Variants in MGST2 observed in about 807,000 individuals in gnomAD.
MGST2 encodes the protein microsomal glutathione S-transferase 2.
A neutral mutation model predicts 16.6 loss-of-function variants in MGST2; 9 were observed. The ratio of observed to expected loss-of-function variants is 0.54; its 90% CI spans 0.33 to 0.95. The LOEUF is 0.95. Ranked by LOEUF, MGST2 falls within the 40% of genes least tolerant of loss-of-function variation. The pLI is 0.03. For missense variants in MGST2, 159 were observed against 175.1 expected, an observed-to-expected ratio of 0.91 and a Z score of 0.52; for synonymous variants, 79 against 68.0, an observed-to-expected ratio of 1.16 and a Z score of -0.79.
the MGST2 span, among the ~76,000 whole-genome samples, chr4:139,753,347 T>C: frequency 6.7e-6 from 1 of 149,632 alleles, no homozygotes; most frequent in Admixed American, 6.7e-5. Flanking sequence ...TTTTAATCTA[T>C]CTATCTATCT....
At chr4:139,703,430 CTT>C in intron 3 of MGST2, 23 bp from the exon 4 acceptor site, 1 of 1,577,858 alleles carries the variant, frequency 6.3e-7, no homozygotes, top group Non-Finnish European at 8.7e-7. Flanking sequence ...TGTGCCTTTT[CTT>C]TTTTTTTCCC....
At chr4:139,710,737 G>A (rs1242485997) in intron 5 of MGST2, among the ~76,000 whole-genome samples, 3 of 152,086 alleles carry the variant, frequency 2.0e-5, no homozygotes, top group South Asian at 2.1e-4. Flanking sequence ...TTTGGTTTGT[G>A]TATATTAAAA....
intron 1 of MGST2, among the ~76,000 whole-genome samples, chr4:139,674,177 G>GGAGACA (rs1730846142): frequency 6.6e-6 from 1 of 152,192 alleles, no homozygotes; most frequent in African/African-American, 2.4e-5. Context: ...TGTGCCCAAG[G>GGAGACA]TGGTCAGGGC....
intron 5 of MGST2, among the ~76,000 whole-genome samples, chr4:139,720,580 ATTCTT>A (rs1177713338): frequency 1.3e-5 from 2 of 152,260 alleles, no homozygotes; most frequent in African/African-American, 4.8e-5. Flanking sequence ...GATCATTCCT[ATTCTT>A]TTATTTGTAT....
At chr4:139,731,300 A>G (rs1728698828) in intron 5 of MGST2, 1 of 153,582 alleles carries the variant, frequency 6.5e-6, no homozygotes, top group South Asian at 2.0e-4. Flanking sequence ...TAATATTTTT[A>G]AAAATAGAAT....
intron 2 of MGST2, among the ~76,000 whole-genome samples, chr4:139,691,815 T>C (rs8192092): frequency 0.021 from 3,212 of 152,078 alleles, 85 homozygotes; most frequent in African/African-American, 0.057. Flanking sequence ...TCTCCTGCCT[T>C]AGTCTCCCGA....
At chr4:139,719,430 A>G (rs1728133751) in intron 5 of MGST2, 1 of 1,613,996 alleles carries the variant, frequency 6.2e-7, no homozygotes, top group Admixed American at 1.7e-5. Context: ...CCAGGGAAGG[A>G]ACCCCCAGCT....
intron 5 of MGST2, among the ~76,000 whole-genome samples, chr4:139,723,539 C>T (rs1026534982): frequency 6.6e-5 from 10 of 152,044 alleles, no homozygotes; most frequent in African/African-American, 1.9e-4. Flanking sequence ...CTCGAACTCC[C>T]GACCTCAGGT....
chr4:139,680,730 T>A (rs1002081495), intron 2 of MGST2, among the ~76,000 whole-genome samples: 1 of 152,216 alleles, frequency 6.6e-6, no homozygotes, highest in Non-Finnish European at 1.5e-5. Flanking sequence ...TGCCTCACAG[T>A]TAAGGGATGG....
At chr4:139,691,666 AGATGATGATGATGATGAT>A (rs376635466) in intron 2 of MGST2, among the ~76,000 whole-genome samples, 9 of 144,018 alleles carry the variant, frequency 6.2e-5, no homozygotes, top group African/African-American at 2.4e-4. Flanking sequence ...ACTGGCAGTC[AGATGATGATGATGATGAT>A]GATGATGATG....
chr4:139,702,629 C>A (rs1579331740), intron 3 of MGST2, among the ~76,000 whole-genome samples: 1 of 152,134 alleles, frequency 6.6e-6, no homozygotes, highest in African/African-American at 2.4e-5. Context: ...AATAAATCTG[C>A]AATGAACATT....
rs111771822 is a variant in MGST2, at chr4:139,671,885, A to G, written c.58+5808A>G. ...TTGATCACCTGACCTCAAGTGATCC[A>G]CCCGCCTCAACCTCCCAAAGTGCTG... On this transcript the variant is annotated intron_variant, in intron 1 of 4. Coordinates refer to ENST00000265498, the MANE Select transcript of MGST2 (RefSeq NM_002413.5). 9.9e-4 allele frequency among the ~76,000 whole-genome samples: 150 copies of G among 151,814 alleles called. 1 individual carries two copies. The highest frequency in any genetic ancestry group is 3.6e-3 in the African/African-American group (147 of 41,384).
In MGST2 at chr4:139,678,503, CGTGCCCCATCT is replaced by C. The variant is rs987753824; in HGVS notation, c.59-39_59-29del. The C allele has an allele frequency of 2.8e-6, 4 of 1,454,096 alleles. No individual in the cohort carries two copies. The African/African-American group carries it at 5.6e-5, about 20-fold the overall frequency. The allele number at this position is 1,454,096 out of a possible 1,614,324, so 90.1% of individuals were successfully genotyped here. A position where few individuals can be genotyped will look rare whatever the true frequency, so the allele number is the denominator to read the frequency against. On this transcript the variant is annotated intron_variant, in intron 1 of 4. Transcript: ENST00000265498. Reference sequence around the variant, plus strand: ...TTTGCATTCCACTAATGACTAATGACGTGCCCCATCTTTAACGCAACATTTCCCTTTACTTG... The same window carrying C: ...TTTGCATTCCACTAATGACTAATGACTTAACGCAACATTTCCCTTTACTTG...
At chr4:139,722,795 T>C (rs376512716) in intron 5 of MGST2, among the ~76,000 whole-genome samples, 4 of 152,370 alleles carry the variant, frequency 2.6e-5, no homozygotes, top group African/African-American at 9.6e-5. Flanking sequence ...AAAACTTCTC[T>C]CCAAGAATGA....
chr4:139,734,422 CT>C (rs769146172), intron 5 of MGST2, among the ~76,000 whole-genome samples: 9 of 152,342 alleles, frequency 5.9e-5, no homozygotes, highest in Non-Finnish European at 1.0e-4. Flanking sequence ...TCCCTTGCTT[CT>C]CCCAAGAATC....
At chr4:139,737,131 A>AC (rs898599253) in intron 5 of MGST2, among the ~76,000 whole-genome samples, 17 of 152,168 alleles carry the variant, frequency 1.1e-4, no homozygotes, top group African/African-American at 3.6e-4. Flanking sequence ...GGAGCATCAG[A>AC]CATCCCTAGA....
intron 5 of MGST2, among the ~76,000 whole-genome samples, chr4:139,734,957 GTTCTTC>G (rs1728875502): frequency 6.6e-6 from 1 of 152,244 alleles, no homozygotes; most frequent in Non-Finnish European, 1.5e-5. Context: ...AGCAGCTGCC[GTTCTTC>G]CCGCGCCCCA....
intron 2 of MGST2, chr4:139,687,798 C>T (rs1203716192): frequency 6.6e-6 from 1 of 152,178 alleles, no homozygotes; most frequent in Admixed American, 6.5e-5. Context: ...GAGTTACTAG[C>T]CCTGGGCTCC....
intron 5 of MGST2, among the ~76,000 whole-genome samples, chr4:139,736,603 C>T (rs1051410920): frequency 2.0e-5 from 3 of 152,160 alleles, no homozygotes; most frequent in African/African-American, 4.8e-5. Flanking sequence ...ACTCTAAAAC[C>T]TCCCCATTCC....
Sources: gnomAD v4.1 joint callset for allele counts (sites outside exome capture counted in the v4.1 genomes callset) on GRCh38, gnomAD v4.1.1 for gene constraint, MANE v1.5 for transcripts, NCBI Gene and HGNC (gene_info 2026-07-23, HGNC 2026-07-21) for gene names.